TMEM117: variants seen among roughly 807,000 people sequenced by gnomAD.
The protein encoded by TMEM117 is transmembrane protein 117.
Under a neutral mutation model 52.4 loss-of-function variants are expected in TMEM117, and 27 were observed. The observed-to-expected ratio is 0.51, with a 90% CI of 0.38 to 0.71. The LOEUF (loss-of-function observed/expected upper bound fraction) is 0.71, where lower values mean the gene tolerates loss of function less well. Among genes scored for constraint, TMEM117 ranks in the 30% least tolerant of loss-of-function variants. The probability of loss-of-function intolerance (pLI) is 0.00; values close to 1 mark genes in which losing one functional copy is unlikely to be tolerated. For synonymous variants in TMEM117, 215 were observed against 206.3 expected, an observed-to-expected ratio of 1.04 and a Z score of -0.36; for missense variants, 556 against 630.5, an observed-to-expected ratio of 0.88 and a Z score of 1.26.
intron 2 of TMEM117, among the ~76,000 whole-genome samples, chr12:43,874,143 T>C (rs1371019970): frequency 2.0e-5 from 3 of 152,208 alleles, no homozygotes; most frequent in African/African-American, 7.2e-5. Context: ...GATAAATTTC[T>C]TACTTCAGTA....
chr12:44,209,421 G>A (rs766397476), intron 4 of TMEM117, among the ~76,000 whole-genome samples: 1 of 151,962 alleles, frequency 6.6e-6, no homozygotes, highest in Admixed American at 6.6e-5. Flanking sequence ...GGATCAAGAA[G>A]AAAATAAACA....
intron 3 of TMEM117, among the ~76,000 whole-genome samples, chr12:44,117,672 A>G (rs970932965): frequency 2.6e-5 from 4 of 152,172 alleles, no homozygotes; most frequent in African/African-American, 9.7e-5. Context: ...AAGTAATTCT[A>G]GAACAACCTA....
chr12:44,257,543 C>G (rs997934752), intron 5 of TMEM117, among the ~76,000 whole-genome samples: 4 of 152,150 alleles, frequency 2.6e-5, no homozygotes, highest in African/African-American at 9.6e-5. Context: ...CTACTAATAT[C>G]TGATTTCGAG....
chr12:43,965,414 TG>T (rs1439317452), intron 3 of TMEM117, among the ~76,000 whole-genome samples: 1 of 152,206 alleles, frequency 6.6e-6, no homozygotes, highest in Non-Finnish European at 1.5e-5. Context: ...AGCACTAGAC[TG>T]GAAAATTGTA....
intron 3 of TMEM117, among the ~76,000 whole-genome samples, chr12:44,003,084 CTGGG>C (rs1946140513): frequency 6.6e-6 from 1 of 152,196 alleles, no homozygotes; most frequent in Non-Finnish European, 1.5e-5. Flanking sequence ...GCCCATTCTT[CTGGG>C]AACAGTGGAA....
At chr12:44,077,976 A>G (rs1200448463) in intron 3 of TMEM117, among the ~76,000 whole-genome samples, 2 of 152,182 alleles carry the variant, frequency 1.3e-5, no homozygotes, top group Non-Finnish European at 2.9e-5. Flanking sequence ...AGGAGGAAAA[A>G]TACCAGTATT....
intron 3 of TMEM117, among the ~76,000 whole-genome samples, chr12:44,090,845 TTTTG>T (rs1193968130): frequency 2.0e-4 from 24 of 119,422 alleles, no homozygotes; most frequent in African/African-American, 7.2e-4. Flanking sequence ...ATGTGTTTTT[TTTTG>T]TTTTTTTTTT....
At chr12:44,266,066 A>G (rs1950373928) in intron 5 of TMEM117, among the ~76,000 whole-genome samples, 1 of 152,206 alleles carries the variant, frequency 6.6e-6, no homozygotes, top group Non-Finnish European at 1.5e-5. Flanking sequence ...ACATTCACAT[A>G]CTTTATCTAT....
intron 6 of TMEM117, among the ~76,000 whole-genome samples, chr12:44,325,859 A>G (rs1407614684): frequency 6.6e-6 from 1 of 152,194 alleles, no homozygotes; most frequent in Non-Finnish European, 1.5e-5. Flanking sequence ...AAAGGTCAGG[A>G]TAGAACTCTG....
chr12:44,069,941 G>C (rs547175310), intron 3 of TMEM117, among the ~76,000 whole-genome samples: 1 of 152,150 alleles, frequency 6.6e-6, no homozygotes, highest in Non-Finnish European at 1.5e-5. Context: ...TCAGGCTGGC[G>C]TGCAGTGGCA....
chr12:43,964,527 A>T (rs1945454436), intron 3 of TMEM117, among the ~76,000 whole-genome samples: 1 of 152,236 alleles, frequency 6.6e-6, no homozygotes, highest in Admixed American at 6.5e-5. Flanking sequence ...TAGAATATTT[A>T]AAAAATCATC....
chr12:44,212,192 C>T (rs187877136), intron 5 of TMEM117, among the ~76,000 whole-genome samples: 1 of 152,308 alleles, frequency 6.6e-6, no homozygotes, highest in East Asian at 1.9e-4. Flanking sequence ...ATAAACCATA[C>T]ATACATTTTA....
intron 2 of TMEM117, among the ~76,000 whole-genome samples, chr12:43,886,668 C>G (rs1944000047): frequency 6.6e-6 from 1 of 151,946 alleles, no homozygotes; most frequent in Admixed American, 6.6e-5. Flanking sequence ...GCAGGATGTG[C>G]AGGTTTGCTA....
At chr12:43,898,948 A>G (rs1442559036) in intron 2 of TMEM117, among the ~76,000 whole-genome samples, 1 of 152,174 alleles carries the variant, frequency 6.6e-6, no homozygotes, top group African/African-American at 2.4e-5. Context: ...GACAGCGGTC[A>G]TTTTCTAGCT....
chr12:44,303,925 A>G (rs1410395984), intron 6 of TMEM117, among the ~76,000 whole-genome samples: 1 of 152,216 alleles, frequency 6.6e-6, no homozygotes, highest in Non-Finnish European at 1.5e-5. Context: ...TAAACAAAGG[A>G]AAAAAGTGGG....
chr12:44,201,158 A>G (rs987759743), intron 4 of TMEM117, among the ~76,000 whole-genome samples: 1 of 152,186 alleles, frequency 6.6e-6, no homozygotes, highest in Non-Finnish European at 1.5e-5. Flanking sequence ...ATGGCATAAG[A>G]ATTCAGAGAG....
chr12:43,944,726 G>T (rs1397700110), intron 3 of TMEM117, among the ~76,000 whole-genome samples: 1 of 152,154 alleles, frequency 6.6e-6, no homozygotes, highest in African/African-American at 2.4e-5. Context: ...GGTCTGCAAT[G>T]CCTGGCTAAA....
chr12:44,060,737 T>C (rs1479396783), intron 3 of TMEM117, among the ~76,000 whole-genome samples: 1 of 152,156 alleles, frequency 6.6e-6, no homozygotes, highest in East Asian at 1.9e-4. Context: ...TAGAGCTGTA[T>C]ATGTTGAAGC....
chr12:44,077,217 G>A (rs1048126889), intron 3 of TMEM117, among the ~76,000 whole-genome samples: 2 of 152,178 alleles, frequency 1.3e-5, no homozygotes, highest in East Asian at 3.9e-4. Flanking sequence ...CATTTCTATC[G>A]CCTTCCAAGC....
Sources: allele counts gnomAD v4.1 joint callset (sites outside exome capture counted in the v4.1 genomes callset), GRCh38; gene constraint gnomAD v4.1.1; transcripts MANE v1.5; gene names NCBI Gene and HGNC (gene_info 2026-07-23, HGNC 2026-07-21).